EMSY: variants seen among roughly 807,000 people sequenced by gnomAD.
EMSY encodes BRCA2-interacting transcriptional repressor EMSY.
A neutral mutation model predicts 134.6 loss-of-function variants in EMSY; 26 were observed. The observed-to-expected ratio is 0.19, with a 90% confidence interval of 0.14 to 0.27. EMSY has a LOEUF of 0.27. Ranked by LOEUF, EMSY falls within the 10% of genes least tolerant of loss-of-function variation. EMSY has a pLI of 1.00. For synonymous variants in EMSY, 579 were observed against 577.8 expected, an observed-to-expected ratio of 1.00 and a Z score of -0.03; for missense variants, 1,305 against 1,611.4, an observed-to-expected ratio of 0.81 and a Z score of 3.26.
intron 15 of EMSY, among the ~76,000 whole-genome samples, chr11:76,536,878 T>G (rs1951242217): frequency 6.6e-6 from 1 of 152,150 alleles, no homozygotes; most frequent in African/African-American, 2.4e-5. Context: ...CTTTTGTATT[T>G]TTGTTGTTGT....
intron 7 of EMSY, among the ~76,000 whole-genome samples, chr11:76,464,645 T>C (rs1948277917): frequency 6.6e-6 from 1 of 152,238 alleles, no homozygotes. Context: ...TGGACCATAA[T>C]GGCTCTCTAG....
At chr11:76,514,601 A>G (rs1169827296) in intron 10 of EMSY, among the ~76,000 whole-genome samples, 1 of 152,220 alleles carries the variant, frequency 6.6e-6, no homozygotes, top group African/African-American at 2.4e-5. Context: ...AGTAAAATAT[A>G]TATAACATGA....
intron 14 of EMSY, 65 bp from the exon 16 acceptor site, chr11:76,535,828 TTG>T: frequency 1.6e-6 from 2 of 1,220,628 alleles, no homozygotes; most frequent in South Asian, 2.6e-5. Context: ...AAAAAATTGT[TTG>T]TTTTTTTTTT....
chr11:76,516,154 C>A (rs376637067), exon 11 of EMSY: 1 of 1,613,394 alleles, frequency 6.2e-7, no homozygotes. Context: ...ACACAAGCAA[C>A]CTATACCCGG....
exon 7 of EMSY, chr11:76,464,065 C>T (rs764472579): frequency 1.2e-6 from 2 of 1,614,184 alleles, no homozygotes; most frequent in Non-Finnish European, 1.7e-6. Flanking sequence ...AGACAACAAA[C>T]ACAACAACAC....
chr11:76,448,162 T>G (rs959105429), intron 2 of EMSY, among the ~76,000 whole-genome samples: 1 of 152,200 alleles, frequency 6.6e-6, no homozygotes, highest in Non-Finnish European at 1.5e-5. Flanking sequence ...TAAATCTTTG[T>G]TGGGAATTTT....
chr11:76,474,093 G>T (rs1280252182), intron 8 of EMSY, among the ~76,000 whole-genome samples: 1 of 146,404 alleles, frequency 6.8e-6, no homozygotes, highest in Admixed American at 6.9e-5. Context: ...TCCAGTCCTG[G>T]TGACAGACCA....
chr11:76,469,014 G>T (rs534738758), intron 7 of EMSY, among the ~76,000 whole-genome samples: 9 of 152,192 alleles, frequency 5.9e-5, no homozygotes, highest in African/African-American at 2.2e-4. Flanking sequence ...TTCCTCCAAG[G>T]TGGATCTCTA....
chr11:76,454,141 T>C (rs1254999558), intron 4 of EMSY, among the ~76,000 whole-genome samples: 1 of 152,214 alleles, frequency 6.6e-6, no homozygotes, highest in Non-Finnish European at 1.5e-5. Context: ...TTTATTTTTA[T>C]GTTTTAATGT....
intron 12 of EMSY, among the ~76,000 whole-genome samples, chr11:76,523,862 A>C (rs1304711716): frequency 2.0e-5 from 3 of 151,768 alleles, no homozygotes; most frequent in Non-Finnish European, 2.9e-5. Context: ...CTTGGCAACA[A>C]AGCAAGACCC....
intron 11 of EMSY, among the ~76,000 whole-genome samples, chr11:76,517,199 A>G (rs1370102939): frequency 6.6e-6 from 1 of 152,120 alleles, no homozygotes; most frequent in East Asian, 1.9e-4. Flanking sequence ...GATGTTGCTG[A>G]TAACTCAGGG....
At chr11:76,539,715 A>G in intron 17 of EMSY, 75 bp downstream of exon 18, 1 of 1,375,128 alleles carries the variant, frequency 7.3e-7, no homozygotes, top group Non-Finnish European at 1.0e-6. Flanking sequence ...GCTTAAATGG[A>G]TGCGCTCTAC....
intron 6 of EMSY, chr11:76,460,885 G>A (rs1465002264): frequency 2.0e-5 from 3 of 152,106 alleles, no homozygotes; most frequent in African/African-American, 7.3e-5. Flanking sequence ...AGCTACTCGG[G>A]AGGCCGAGAC....
intron 7 of EMSY, among the ~76,000 whole-genome samples, chr11:76,465,616 G>A (rs1160170381): frequency 1.8e-4 from 26 of 143,038 alleles, no homozygotes; most frequent in Non-Finnish European, 3.8e-4. Context: ...AAAAAAAAAA[G>A]CATCCTACTC....
chr11:76,510,206 A>G (rs1950225117), intron 9 of EMSY, among the ~76,000 whole-genome samples: 1 of 152,228 alleles, frequency 6.6e-6, no homozygotes, highest in African/African-American at 2.4e-5. Context: ...TAGTAAAATT[A>G]GCTGAGTGTG....
intron 8 of EMSY, among the ~76,000 whole-genome samples, chr11:76,491,321 C>T (rs182228833): frequency 1.9e-4 from 29 of 152,076 alleles, no homozygotes; most frequent in Admixed American, 3.3e-4. Context: ...GCTGGGACTA[C>T]AGGTGTGTGC....
At chr11:76,523,704 CTTTTTTTTTTTT>C (rs746491659) in intron 12 of EMSY, among the ~76,000 whole-genome samples, 1 of 80,536 alleles carries the variant, frequency 1.2e-5, no homozygotes, top group Non-Finnish European at 2.3e-5. Context: ...TTGTTACTTT[CTTTTTTTTTTTT>C]TTTTTTTTTC....
chr11:76,502,626 A>G (rs1949918426), intron 9 of EMSY, among the ~76,000 whole-genome samples: 1 of 152,024 alleles, frequency 6.6e-6, no homozygotes, highest in South Asian at 2.1e-4. Flanking sequence ...GCGGGATACA[A>G]AGTCAACACA....
intron 8 of EMSY, among the ~76,000 whole-genome samples, chr11:76,491,161 TTTC>T (rs1284860492): frequency 1.5e-4 from 22 of 149,180 alleles, no homozygotes; most frequent in African/African-American, 4.2e-4. Flanking sequence ...GCTCAGCTGA[TTTC>T]TTCTTCTTTT....
Sources: gnomAD v4.1 joint callset for allele counts (sites outside exome capture counted in the v4.1 genomes callset) on GRCh38, gnomAD v4.1.1 for gene constraint, MANE v1.5 for transcripts, NCBI Gene and HGNC (gene_info 2026-07-23, HGNC 2026-07-21) for gene names.